The following PPP2R3A variants were observed in gnomAD, a reference collection of about 807,000 sequenced individuals.
The protein encoded by PPP2R3A is protein phosphatase 2 regulatory subunit B''alpha.
Under a neutral mutation model 106.9 loss-of-function variants are expected in PPP2R3A, and 80 were observed. The observed-to-expected ratio is 0.75, with a 90% CI of 0.62 to 0.90. The LOEUF (loss-of-function observed/expected upper bound fraction) is 0.90, where lower values mean the gene tolerates loss of function less well. Among genes scored for constraint, PPP2R3A ranks in the 40% least tolerant of loss-of-function variants. The pLI is 0.00. For missense variants in PPP2R3A, 1,386 were observed against 1,350.4 expected (o/e 1.03, Z -0.41); for synonymous variants, 483 against 468.3 (o/e 1.03, Z -0.41).
intron 1 of PPP2R3A, among the ~76,000 whole-genome samples, chr3:135,975,856 A>AAAGCAC (rs1328495983): frequency 1.3e-5 from 2 of 152,144 alleles, no homozygotes; most frequent in Non-Finnish European, 2.9e-5. Flanking sequence ...AATCTAATTA[A>AAAGCAC]AAGCACTGAT....
intron 6 of PPP2R3A, among the ~76,000 whole-genome samples, chr3:136,071,552 A>G (rs1936430073): frequency 1.3e-5 from 2 of 152,156 alleles, no homozygotes; most frequent in African/African-American, 2.4e-5. Flanking sequence ...TGTCGCCCTG[A>G]TATCAAACTT....
At position 136,057,464 on chromosome 3, in the gene PPP2R3A, T is replaced by C. The variant is rs1040650046; in HGVS notation, c.2469+8103T>C. 6.6e-5 allele frequency among the ~76,000 whole-genome samples: 10 copies of C among 151,724 alleles called. No homozygotes were observed. The East Asian group carries it at 1.9e-3, about 29-fold the overall frequency. On this transcript the variant is annotated intron_variant, in intron 5 of 13. Coordinates refer to ENST00000264977, the MANE Select transcript of PPP2R3A (RefSeq NM_002718.5). ...GCAGGAGTTTAAAAAATGGATCTTG[T>C]GAAGATAGAAAGTAGATTGGTGGTT...
intron 13 of PPP2R3A, among the ~76,000 whole-genome samples, chr3:136,122,970 G>T (rs967277165): frequency 3.3e-5 from 5 of 152,060 alleles, no homozygotes; most frequent in African/African-American, 1.2e-4. Flanking sequence ...TAGTTTGGGG[G>T]AAAAAATCTT....
intron 1 of PPP2R3A, among the ~76,000 whole-genome samples, chr3:135,988,624 C>T (rs1277543003): frequency 2.0e-5 from 3 of 152,132 alleles, no homozygotes; most frequent in African/African-American, 7.2e-5. Flanking sequence ...CTTGCTAAAA[C>T]ATTCAAGCCA....
chr3:136,037,716 A>G (rs1553746448), intron 3 of PPP2R3A, among the ~76,000 whole-genome samples: 2 of 152,224 alleles, frequency 1.3e-5, no homozygotes, highest in Non-Finnish European at 2.9e-5. Context: ...GAAGATTACA[A>G]ACATTGGGTA....
chr3:136,001,755 A>G lies in PPP2R3A; in HGVS notation c.257A>G (p.Tyr86Cys), dbSNP rs374294452. The stretch of plus-strand genomic sequence containing the variant: ...GGGCTTTCTTCGGCTGAAGGAGACT[A>G]TCCCCAACAGGCCTTCACAGGCATA... ...ENGLSSAEGD[Y>C]PQQAFTGIPR... Residue 86 changes from tyrosine to cysteine, a missense_variant, in exon 2 of 14, where the codon TAT becomes TGT. By Grantham distance (194) the Tyr-to-Cys change is radical. Transcript: ENST00000264977. The G allele has an allele frequency of 1.2e-6, 2 of 1,614,014 alleles. No homozygotes were observed. Among genetic ancestry groups the G allele is most frequent in the Non-Finnish European group, 1.7e-6 (2 of 1,180,026 alleles).
intron 6 of PPP2R3A, among the ~76,000 whole-genome samples, chr3:136,074,792 A>G (rs931208381): frequency 3.3e-5 from 5 of 152,216 alleles, no homozygotes; most frequent in African/African-American, 1.2e-4. Context: ...AAGATGACTA[A>G]GCTATAGTGG....
At chr3:136,012,322 C>G (rs1298073892) in intron 2 of PPP2R3A, among the ~76,000 whole-genome samples, 2 of 152,058 alleles carry the variant, frequency 1.3e-5, no homozygotes, top group Non-Finnish European at 2.9e-5. Context: ...TGCCCCAGAT[C>G]CTAGAACAAC....
In PPP2R3A at chr3:136,002,720, T is replaced by C; in HGVS notation, c.1222T>C (p.Ser408Pro). The change falls in exon 2 of 14, where the codon TCT (serine) becomes CCT (proline). Residue 408 changes from serine (S) to proline (P), a missense_variant. Coordinates refer to ENST00000264977, the MANE Select transcript of PPP2R3A (RefSeq NM_002718.5). ...CATGAATCCTTTAGAAAATGTTTCT[T>C]CTGACGACTTAATGGAAACTCTTTA... ...LTMNPLENVS[S>P]DDLMETLYIE... The C allele has an allele frequency of 6.2e-7, 1 of 1,613,180 alleles. No individual in the cohort carries two copies. Among genetic ancestry groups the C allele is most frequent in the South Asian group, 1.1e-5 (1 of 90,792 alleles).
chr3:135,977,586 G>T (rs192376108), intron 1 of PPP2R3A, among the ~76,000 whole-genome samples: 1 of 151,334 alleles, frequency 6.6e-6, no homozygotes, highest in Non-Finnish European at 1.5e-5. Flanking sequence ...TGTGCAACAC[G>T]TGTCAAAATA....
At chr3:136,033,194 G>A (rs1464870291) in intron 3 of PPP2R3A, among the ~76,000 whole-genome samples, 1 of 152,158 alleles carries the variant, frequency 6.6e-6, no homozygotes, top group Non-Finnish European at 1.5e-5. Context: ...ACTTGCATAT[G>A]TTAAACCATC....
Position 136,128,042 on chromosome 3 carries a change from C to T in PPP2R3A, c.3330-17001C>T, listed in dbSNP as rs377169339. On this transcript the variant is annotated intron_variant, in intron 13 of 13. Coordinates refer to ENST00000264977, the MANE Select transcript of PPP2R3A (RefSeq NM_002718.5). ...TAAACATGGAAAGAAGCAACCGGAACGACCCACTGCAAAAACATGCCAAAT... is the reference window on the plus strand; with the variant it reads ...TAAACATGGAAAGAAGCAACCGGAATGACCCACTGCAAAAACATGCCAAAT... 1.3e-4 allele frequency among the ~76,000 whole-genome samples: 20 copies of T among 152,232 alleles called. No homozygotes were observed. In the South Asian group the frequency reaches 3.1e-3, roughly 24 times the overall value.
At chr3:136,056,987 T>C (rs775521552) in intron 5 of PPP2R3A, among the ~76,000 whole-genome samples, 11 of 152,046 alleles carry the variant, frequency 7.2e-5, no homozygotes, top group Admixed American at 6.6e-5. Context: ...TAAAGTGATA[T>C]CATTTCACCT....
chr3:136,062,848 T>C (rs1936123759), intron 5 of PPP2R3A, among the ~76,000 whole-genome samples: 1 of 152,004 alleles, frequency 6.6e-6, no homozygotes, highest in South Asian at 2.1e-4. Context: ...ATATTGCCCA[T>C]GGTAATTTAT....
At chr3:135,970,176 CAG>C (rs1209969956) in intron 1 of PPP2R3A, among the ~76,000 whole-genome samples, 4 of 152,128 alleles carry the variant, frequency 2.6e-5, no homozygotes, top group Admixed American at 1.3e-4. Flanking sequence ...GAACCACTGA[CAG>C]AGATTAAGAA....
intron 4 of PPP2R3A, among the ~76,000 whole-genome samples, chr3:136,045,813 A>T (rs1417746489): frequency 2.6e-5 from 4 of 152,182 alleles, no homozygotes; most frequent in Non-Finnish European, 4.4e-5. Context: ...CCCAGGTTAC[A>T]GCTTGAATTA....
At chr3:136,143,228 C>T (rs1430205992) in intron 13 of PPP2R3A, among the ~76,000 whole-genome samples, 2 of 152,234 alleles carry the variant, frequency 1.3e-5, no homozygotes, top group African/African-American at 4.8e-5. Flanking sequence ...GTGGCTCACA[C>T]CTTTAATCCC....
intron 7 of PPP2R3A, among the ~76,000 whole-genome samples, chr3:136,080,164 C>G (rs887940939): frequency 1.3e-5 from 2 of 152,142 alleles, no homozygotes; most frequent in African/African-American, 4.8e-5. Flanking sequence ...GGTTTTTTCA[C>G]TTAACAGTGT....
At chr3:136,020,317 C>G (rs1166158942) in intron 2 of PPP2R3A, among the ~76,000 whole-genome samples, 1 of 152,014 alleles carries the variant, frequency 6.6e-6, no homozygotes, top group Non-Finnish European at 1.5e-5. Flanking sequence ...ATTCTGATGT[C>G]TTTTGATAGA....
Sources: allele counts gnomAD v4.1 joint callset (sites outside exome capture counted in the v4.1 genomes callset), GRCh38; gene constraint gnomAD v4.1.1; transcripts MANE v1.5; gene names NCBI Gene and HGNC (gene_info 2026-07-23, HGNC 2026-07-21).